CSMD3: variants seen among roughly 807,000 people sequenced by gnomAD.
CSMD3 encodes the protein CUB and Sushi multiple domains 3.
CSMD3 carries 177 observed loss-of-function variants against 435.2 expected under a neutral mutation model. The observed-to-expected ratio is 0.41, with a 90% CI of 0.36 to 0.46. The LOEUF (loss-of-function observed/expected upper bound fraction) is 0.46. CSMD3 is among the 20% of genes least tolerant of loss of function. The probability of loss-of-function intolerance (pLI) is 0.34; values close to 1 mark genes in which losing one functional copy is unlikely to be tolerated. For missense variants in CSMD3, 4,265 were observed against 4,504.6 expected (o/e 0.95, Z 1.52); for synonymous variants, 1,656 against 1,520.5 (o/e 1.09, Z -2.07).
Position 113,074,629 on chromosome 8 carries a change from A to T in CSMD3, c.917+24127T>A, listed in dbSNP as rs187911853. 3.7e-4 allele frequency among the ~76,000 whole-genome samples: 57 copies of T among 152,056 alleles called. 1 individual carries two copies. The highest frequency in any genetic ancestry group is 1.5e-4 in the Non-Finnish European group (10 of 67,802). On this transcript the variant is annotated intron_variant, in intron 5 of 70. Coordinates refer to ENST00000297405, the MANE Select transcript of CSMD3 (RefSeq NM_198123.2). ...ATATTTGCTAGACCACAGAGCAAAG[A>T]AGGCTAGAGCCATGTGTTTACTACC...
At position 112,596,272 on chromosome 8, in the gene CSMD3, C is replaced by A. The variant is rs554617500; in HGVS notation, c.3716-9037G>T. ...CAAAGATCAAAAGAGACAAAGAAGG[C>A]CATTACATAATGGTAAAGGGATCAG... On this transcript the variant is annotated intron_variant, in intron 22 of 70. Coordinates refer to ENST00000297405, the MANE Select transcript of CSMD3 (RefSeq NM_198123.2). Among the ~76,000 whole-genome samples, 473 of 152,062 alleles carry A rather than the reference C, an allele frequency of 3.1e-3. 3 individuals carry two copies. Among genetic ancestry groups the A allele is most frequent in the African/African-American group, 0.011 (445 of 41,468 alleles).
intron 13 of CSMD3, among the ~76,000 whole-genome samples, chr8:112,782,380 AAC>A (rs1335719559): frequency 2.0e-5 from 3 of 152,084 alleles, no homozygotes; most frequent in Non-Finnish European, 4.4e-5. Context: ...GCCATTTGAA[AAC>A]ACAGAGTCAG....
chr8:112,496,863 G>T (rs189489144), intron 30 of CSMD3, among the ~76,000 whole-genome samples: 108 of 152,090 alleles, frequency 7.1e-4, no homozygotes, highest in African/African-American at 2.5e-3. Context: ...TAATTAAAAA[G>T]AATGAATAAG....
chr8:112,567,649 C>A (rs937721002), intron 24 of CSMD3, among the ~76,000 whole-genome samples: 3 of 152,022 alleles, frequency 2.0e-5, no homozygotes, highest in Admixed American at 1.3e-4. Context: ...GTAAAATACA[C>A]CAGATTTAGA....
chr8:113,407,322 CAT>C (rs1482198304), intron 1 of CSMD3, among the ~76,000 whole-genome samples: 1 of 152,108 alleles, frequency 6.6e-6, no homozygotes, highest in Non-Finnish European at 1.5e-5. Context: ...GTCATCAACA[CAT>C]GTCTTTTGAA....
intron 32 of CSMD3, among the ~76,000 whole-genome samples, chr8:112,452,109 G>A (rs1437176380): frequency 1.3e-5 from 2 of 152,104 alleles, no homozygotes; most frequent in Non-Finnish European, 2.9e-5. Flanking sequence ...GGAAGAAAGT[G>A]AGGTTTTACA....
At chr8:112,517,001 T>C (rs200031228) in intron 28 of CSMD3, 33 bp downstream of exon 28, 2 of 1,515,356 alleles carry the variant, frequency 1.3e-6, no homozygotes, top group Admixed American at 1.7e-5. Flanking sequence ...GTTTTATGTT[T>C]ATATAAAATT....
intron 13 of CSMD3, among the ~76,000 whole-genome samples, chr8:112,724,316 G>GTTAT (rs1359173332): frequency 1.3e-5 from 2 of 152,054 alleles, no homozygotes; most frequent in African/African-American, 4.8e-5. Context: ...ATCAGGTATA[G>GTTAT]TTATTGCCTT....
intron 1 of CSMD3, among the ~76,000 whole-genome samples, chr8:113,366,969 C>T (rs187204954): frequency 5.9e-5 from 9 of 151,858 alleles, no homozygotes; most frequent in African/African-American, 1.9e-4. Flanking sequence ...TAGGTTATTC[C>T]CTTTAAACTA....
intron 1 of CSMD3, among the ~76,000 whole-genome samples, chr8:113,350,617 C>G (rs1005149343): frequency 4.6e-5 from 7 of 152,232 alleles, no homozygotes; most frequent in African/African-American, 1.7e-4. Flanking sequence ...TCCAATTTCT[C>G]TGAAGGATTA....
chr8:112,775,090 C>T (rs915109463), intron 13 of CSMD3, among the ~76,000 whole-genome samples: 13 of 151,758 alleles, frequency 8.6e-5, no homozygotes, highest in African/African-American at 1.9e-4. Context: ...CCTGATATCA[C>T]CTCTCATCTG....
At chr8:112,807,029 T>C (rs1312198553) in intron 12 of CSMD3, among the ~76,000 whole-genome samples, 1 of 152,214 alleles carries the variant, frequency 6.6e-6, no homozygotes, top group Admixed American at 6.5e-5. Flanking sequence ...CTGCTCAAGA[T>C]AACCATCACA....
intron 3 of CSMD3, among the ~76,000 whole-genome samples, chr8:113,210,130 T>C (rs2092817083): frequency 6.6e-6 from 1 of 151,978 alleles, no homozygotes; most frequent in Non-Finnish European, 1.5e-5. Context: ...ACTGGAAGTA[T>C]CATATTTTGC....
intron 4 of CSMD3, among the ~76,000 whole-genome samples, chr8:113,109,967 C>T (rs186878809): frequency 5.3e-5 from 8 of 152,304 alleles, no homozygotes; most frequent in African/African-American, 1.2e-4. Flanking sequence ...CTGAGAAGCA[C>T]GGAAACAGAG....
chr8:112,325,892 C>A (rs1439636446), intron 45 of CSMD3, among the ~76,000 whole-genome samples: 1 of 151,900 alleles, frequency 6.6e-6, no homozygotes, highest in African/African-American at 2.4e-5. Flanking sequence ...TCCCAAAGGG[C>A]AGTTATGAGA....
At chr8:112,790,861 T>C (rs1426487543) in intron 13 of CSMD3, among the ~76,000 whole-genome samples, 1 of 152,190 alleles carries the variant, frequency 6.6e-6, no homozygotes. Flanking sequence ...ATTGAAATAA[T>C]ACAGCTTACA....
chr8:113,050,584 T>C (rs1411102557), intron 5 of CSMD3, among the ~76,000 whole-genome samples: 2 of 152,160 alleles, frequency 1.3e-5, no homozygotes, highest in African/African-American at 4.8e-5. Flanking sequence ...AATAAGTTTA[T>C]ATCAAGCTTT....
intron 1 of CSMD3, among the ~76,000 whole-genome samples, chr8:113,317,124 A>T (rs1040970394): frequency 3.2e-4 from 48 of 152,300 alleles, no homozygotes; most frequent in African/African-American, 1.1e-3. Context: ...ATATTTGTGT[A>T]TATTCAGATA....
chr8:112,713,357 AAAATAAATAAATAAATAAAT>A (rs71309785), intron 13 of CSMD3, among the ~76,000 whole-genome samples: 1 of 146,666 alleles, frequency 6.8e-6, no homozygotes, highest in African/African-American at 2.5e-5. Context: ...ACAAGATTAG[AAAATAAATAAATAAATAAAT>A]AAATAAATAA....
Sources: allele counts gnomAD v4.1 joint callset (sites outside exome capture counted in the v4.1 genomes callset), GRCh38; gene constraint gnomAD v4.1.1; transcripts MANE v1.5; gene names NCBI Gene and HGNC (gene_info 2026-07-23, HGNC 2026-07-21).